The following ITGA4 variants were observed in gnomAD, a reference collection of about 807,000 sequenced individuals.
ITGA4 encodes integrin subunit alpha 4, also known as integrin alpha-4.
In ITGA4, 63 loss-of-function variants were observed where a neutral mutation model predicts 133.6. That is an observed-to-expected ratio of 0.47 (90% CI 0.38 to 0.58). The LOEUF (loss-of-function observed/expected upper bound fraction) is 0.58, where lower values mean the gene tolerates loss of function less well. Ranked by LOEUF, ITGA4 falls within the 20% of genes least tolerant of loss-of-function variation. The pLI, the probability that ITGA4 is intolerant of heterozygous loss-of-function variation, is 0.00. For missense variants in ITGA4, 1,076 were observed against 1,252.7 expected (o/e 0.86, Z 2.13); for synonymous variants, 483 against 438.0 (o/e 1.10, Z -1.28).
chr2:181,511,833 G>T, intron 17 of ITGA4, 58 bp downstream of exon 17: 1 of 782,010 alleles, frequency 1.3e-6, no homozygotes, highest in South Asian at 1.6e-5. Context: ...ATGAGTGTGT[G>T]CATTTGCATT....
chr2:181,493,223 A>T, intron 10 of ITGA4, 102 bp from the exon 11 acceptor site: 1 of 670,710 alleles, frequency 1.5e-6, no homozygotes, highest in Non-Finnish European at 2.6e-6. Flanking sequence ...CATAAAAGAG[A>T]GTTTTCTTAT....
At chr2:181,481,275 A>G (rs17224487) in intron 6 of ITGA4, among the ~76,000 whole-genome samples, 9,366 of 152,256 alleles carry the variant, frequency 0.062, 412 homozygotes, top group Non-Finnish European at 0.093. Context: ...TCATTTCCCA[A>G]TTGAGATTTT....
At chr2:181,492,774 T>A (rs2105743076) in intron 10 of ITGA4, among the ~76,000 whole-genome samples, 1 of 152,364 alleles carries the variant, frequency 6.6e-6, no homozygotes, top group Middle Eastern at 3.4e-3. Flanking sequence ...CTCTAACAGA[T>A]ACCTTAATCA....
chr2:181,527,688 A>G (rs1274711966), intron 22 of ITGA4, among the ~76,000 whole-genome samples: 1 of 151,220 alleles, frequency 6.6e-6, no homozygotes, highest in Non-Finnish European at 1.5e-5. Context: ...TGCTAGAGAC[A>G]CATACAGAAA....
At chr2:181,509,135 TAAAAAAAAAAAAAAAAAAAAAAAAAAAA>T (rs57180154) in intron 15 of ITGA4, among the ~76,000 whole-genome samples, 15 of 44,640 alleles carry the variant, frequency 3.4e-4, no homozygotes, top group Non-Finnish European at 4.5e-4. Flanking sequence ...TCCCATCTCT[TAAAAAAAAAAAAAAAAAAAAAAAAAAAA>T]AAAAAAAAAA....
At chr2:181,522,755 G>C (rs948614512) in intron 18 of ITGA4, among the ~76,000 whole-genome samples, 1 of 151,990 alleles carries the variant, frequency 6.6e-6, no homozygotes. Context: ...TATCAAATTC[G>C]CTCATCTTTT....
chr2:181,482,172 T>C (rs532210919), intron 7 of ITGA4, among the ~76,000 whole-genome samples, 188 bp from the exon 8 acceptor site: 1 of 152,296 alleles, frequency 6.6e-6, no homozygotes, highest in East Asian at 1.9e-4. Context: ...AAAATACTTT[T>C]GCAAGTAAGG....
At chr2:181,475,710 T>TTCA (rs1266267177) in intron 4 of ITGA4, 2 of 1,394,576 alleles carry the variant, frequency 1.4e-6, no homozygotes, top group Non-Finnish European at 1.9e-6. Flanking sequence ...AAGCAAATCT[T>TTCA]TCATTCGCAC....
At chr2:181,486,024 T>C in intron 10 of ITGA4, 32 bp downstream of exon 10, 1 of 1,560,462 alleles carries the variant, frequency 6.4e-7, no homozygotes, top group Non-Finnish European at 8.6e-7. Context: ...GTACTTGATT[T>C]CTGCTTTTAA....
intron 4 of ITGA4, among the ~76,000 whole-genome samples, chr2:181,476,852 C>T (rs1417472396): frequency 6.6e-6 from 1 of 152,086 alleles, no homozygotes; most frequent in African/African-American, 2.4e-5. Context: ...ATAACCTAAG[C>T]GAACTAACAC....
chr2:181,522,952 G>A (rs1686750676), intron 18 of ITGA4, among the ~76,000 whole-genome samples: 1 of 152,078 alleles, frequency 6.6e-6, no homozygotes, highest in Non-Finnish European at 1.5e-5. Flanking sequence ...TGAGATTATA[G>A]CTATTTTGAT....
rs1178243437 is a variant in ITGA4 at position 181,538,871 on chromosome 2, T to C, written c.*3344T>C. Among the ~76,000 whole-genome samples, 1 of 152,166 alleles carries C rather than the reference T, an allele frequency of 6.6e-6. No individual in the cohort carries two copies. Among genetic ancestry groups the C allele is most frequent in the African/African-American group, 2.4e-5 (1 of 41,458 alleles). ...ATTAGAAAGCCAATGTAGACACGCATAACCAAAGAAAATGCCTTGGGTCTA... is the reference window on the plus strand; with the variant it reads ...ATTAGAAAGCCAATGTAGACACGCACAACCAAAGAAAATGCCTTGGGTCTA... On this transcript the variant is annotated 3_prime_UTR_variant, in exon 28 of 28. Coordinates refer to ENST00000397033, the MANE Select transcript of ITGA4 (RefSeq NM_000885.6).
At chr2:181,508,874 G>A (rs1686445454) in intron 15 of ITGA4, among the ~76,000 whole-genome samples, 1 of 151,828 alleles carries the variant, frequency 6.6e-6, no homozygotes, top group South Asian at 2.1e-4. Flanking sequence ...TGGGTATGGT[G>A]GCTCACACCT....
rs201162970 is a variant in ITGA4, at chr2:181,536,585, A to AAAATTCATAAATTT, written c.*1074_*1087dup. ...TTACCTTACATGGAAACGAAGAAAC[A>AAAATTCATAAATTT]AAATTCATAAATTTAAATTCATAAA... On this transcript the variant is annotated 3_prime_UTR_variant, in exon 28 of 28. Coordinates refer to ENST00000397033, the MANE Select transcript of ITGA4 (RefSeq NM_000885.6). 5.9e-6 allele frequency: 1 copy of AAAATTCATAAATTT among 169,830 alleles called. No homozygotes were observed. The highest frequency in any genetic ancestry group is 2.4e-5 in the African/African-American group (1 of 41,484). 10.5% of individuals were successfully genotyped at this position (169,830 alleles called of 1,614,324 possible). A position where few individuals can be genotyped will look rare whatever the true frequency, so the allele number is the denominator to read the frequency against.
intron 22 of ITGA4, among the ~76,000 whole-genome samples, chr2:181,528,542 G>A (rs557344954): frequency 9.2e-5 from 14 of 152,300 alleles, no homozygotes; most frequent in African/African-American, 3.1e-4. Flanking sequence ...ATTGTTGTTA[G>A]GCAAACAGAT....
At position 181,468,774 on chromosome 2, in the gene ITGA4, C is replaced by G. The variant is rs187322906; in HGVS notation, c.320-6186C>G. ...AGCATGCATTTTTACATTTTCTTTC[C>G]CAAATTAAAAAAAATAGGAAAGAGA... On this transcript the variant is annotated intron_variant, in intron 2 of 27. Transcript: ENST00000397033. Among the ~76,000 whole-genome samples, 4 of 151,286 alleles carry G rather than the reference C, an allele frequency of 2.6e-5. No individual in the cohort carries two copies. In the East Asian group the frequency reaches 7.7e-4, roughly 29 times the overall value.
intron 19 of ITGA4, 126 bp from the exon 20 acceptor site, chr2:181,524,045 G>T: frequency 1.6e-6 from 1 of 630,570 alleles, no homozygotes. Context: ...GGGAGGAGTA[G>T]CTGATGCCTT....
Position 181,535,771 on chromosome 2 carries a change from T to A in ITGA4, c.*244T>A. ...AGCTTTTAAATGGGTAGAGAAACAC[T>A]AAAGCATTCAATTTATTCAAGAAAA... On this transcript the variant is annotated 3_prime_UTR_variant, in exon 28 of 28. Coordinates refer to ENST00000397033, the MANE Select transcript of ITGA4 (RefSeq NM_000885.6). 3.2e-6 allele frequency: 1 copy of A among 314,956 alleles called. No individual in the cohort carries two copies. The highest frequency in any genetic ancestry group is 5.8e-6 in the Non-Finnish European group (1 of 171,820). 19.5% of individuals were successfully genotyped at this position (314,956 alleles called of 1,614,324 possible).
In ITGA4 at chr2:181,495,528, T is replaced by C. The variant is rs1686139927; in HGVS notation, c.1385+112T>C. 1.9e-5 allele frequency: 16 copies of C among 831,540 alleles called. No homozygotes were observed. The highest frequency in any genetic ancestry group is 2.3e-4 in the Middle Eastern group (1 of 4,430). 51.5% of individuals were successfully genotyped at this position (831,540 alleles called of 1,614,324 possible). On this transcript the variant is annotated intron_variant, in intron 13 of 27. Transcript: ENST00000397033. This position sits in a 1 kb window ranked among gnomAD's most constrained non-coding sequence, Gnocchi z 4.3. ...TGACCTCATGATGCTCTTTTGGTATTCTGAAGCTTAATTATTGATTTTTAG... is the reference window on the plus strand; with the variant it reads ...TGACCTCATGATGCTCTTTTGGTATCCTGAAGCTTAATTATTGATTTTTAG...
Sources: allele counts gnomAD v4.1 joint callset (sites outside exome capture counted in the v4.1 genomes callset), GRCh38; gene constraint gnomAD v4.1.1; non-coding constraint Gnocchi (gnomAD v3.1); transcripts MANE v1.5; gene names NCBI Gene and HGNC (gene_info 2026-07-23, HGNC 2026-07-21).